Variants in DTNA observed in about 807,000 individuals in gnomAD.
DTNA encodes the protein dystrobrevin alpha.
Under a neutral mutation model 100.7 loss-of-function variants are expected in DTNA, and 43 were observed. That is an observed-to-expected ratio of 0.43 (90% CI 0.33 to 0.55). DTNA has a LOEUF of 0.55. Among genes scored for constraint, DTNA ranks in the 20% least tolerant of loss-of-function variants. The pLI, the probability that DTNA is intolerant of heterozygous loss-of-function variation, is 0.04. For missense variants in DTNA, 798 were observed against 953.9 expected, an observed-to-expected ratio of 0.84 and a Z score of 2.15; for synonymous variants, 349 against 347.9, an observed-to-expected ratio of 1.00 and a Z score of -0.04.
intron 1 of DTNA, among the ~76,000 whole-genome samples, chr18:34,527,433 G>C (rs571851890): frequency 2.7e-4 from 41 of 152,054 alleles, no homozygotes; most frequent in African/African-American, 9.6e-4. Context: ...TTTAATAGTA[G>C]ACATTCCAGA....
At chr18:34,503,439 C>T (rs1037129645) in intron 1 of DTNA, among the ~76,000 whole-genome samples, 2 of 151,736 alleles carry the variant, frequency 1.3e-5, no homozygotes, top group Non-Finnish European at 2.9e-5. Flanking sequence ...AGGTGCCCAC[C>T]ATCACACCTG....
chr18:34,696,945 A>G (rs541235745), intron 1 of DTNA, among the ~76,000 whole-genome samples: 53 of 152,260 alleles, frequency 3.5e-4, no homozygotes, highest in African/African-American at 1.3e-3. Flanking sequence ...ACATTTAGCA[A>G]TATCTGTAGG....
At chr18:34,499,568 C>T (rs9961221) in intron 1 of DTNA, among the ~76,000 whole-genome samples, 24,962 of 152,092 alleles carry the variant, frequency 0.16, 2,253 homozygotes, top group South Asian at 0.22. Context: ...AGTGGATGTG[C>T]CATTTTACAT....
chr18:34,558,239 T>A (rs1299067744), intron 1 of DTNA: 1 of 153,386 alleles, frequency 6.5e-6, no homozygotes, highest in Non-Finnish European at 1.4e-5. Flanking sequence ...ACGCACGGTG[T>A]GCGCACCCAC....
chr18:34,692,317 C>T (rs190817534), intron 1 of DTNA, among the ~76,000 whole-genome samples: 3 of 152,288 alleles, frequency 2.0e-5, no homozygotes, highest in Non-Finnish European at 2.9e-5. Flanking sequence ...CCAAAGCAGA[C>T]GTTCCATGAA....
intron 13 of DTNA, among the ~76,000 whole-genome samples, chr18:34,840,273 T>C (rs2096244067): frequency 6.6e-6 from 1 of 152,170 alleles, no homozygotes; most frequent in Admixed American, 6.6e-5. Context: ...TTAAATAGTA[T>C]CCACTTTTTC....
chr18:34,608,761 T>C (rs1465334754), intron 1 of DTNA, among the ~76,000 whole-genome samples: 1 of 152,236 alleles, frequency 6.6e-6, no homozygotes, highest in African/African-American at 2.4e-5. Flanking sequence ...TGCTGCCTTC[T>C]CACCTGCTGT....
chr18:34,551,012 A>G (rs1186824306), intron 1 of DTNA, among the ~76,000 whole-genome samples: 1 of 152,202 alleles, frequency 6.6e-6, no homozygotes, highest in East Asian at 1.9e-4. Flanking sequence ...ATTAACTCCA[A>G]TTTCTTTAAT....
At chr18:34,503,763 C>T (rs2040200327) in intron 1 of DTNA, among the ~76,000 whole-genome samples, 1 of 149,152 alleles carries the variant, frequency 6.7e-6, no homozygotes, top group African/African-American at 2.5e-5. Context: ...CTGTTATTTA[C>T]TTGAGCATTT....
At position 34,517,460 on chromosome 18, in the gene DTNA, C is replaced by CGTGTGTGTGTGTGTGTGTGTGTGTGT. The variant is rs1199695756; in HGVS notation, c.-2+23949_-2+23974dup. 3.4e-5 allele frequency among the ~76,000 whole-genome samples: 5 copies of CGTGTGTGTGTGTGTGTGTGTGTGTGT among 148,884 alleles called. No homozygotes were observed. The East Asian group carries it at 5.9e-4, about 18-fold the overall frequency. On this transcript the variant is annotated intron_variant, in intron 1 of 19. Coordinates refer to the DTNA transcript ENST00000283365. ...TCAGATTTAATAAGTTTTATATACA[C>CGTGTGTGTGTGTGTGTGTGTGTGTGT]GTGTGTGTGTGTGTGTGTGTGTGTG...
At chr18:34,740,323 T>G (rs921570493) in intron 1 of DTNA, among the ~76,000 whole-genome samples, 27 of 152,260 alleles carry the variant, frequency 1.8e-4, no homozygotes, top group African/African-American at 6.3e-4. Context: ...GGAAATGGCT[T>G]GAGTACCCCC....
At chr18:34,730,748 A>T (rs565049403) in intron 1 of DTNA, among the ~76,000 whole-genome samples, 54 of 152,180 alleles carry the variant, frequency 3.5e-4, no homozygotes, top group African/African-American at 1.3e-3. Context: ...TATTCCTCTC[A>T]CCCTAATATC....
intron 10 of DTNA, chr18:34,829,041 C>T (rs1336575347): frequency 1.2e-6 from 2 of 1,614,126 alleles, no homozygotes; most frequent in Non-Finnish European, 8.5e-7. Flanking sequence ...ATCATTTCAG[C>T]TCGGACGGTG....
At chr18:34,730,338 G>A (rs1030736480) in intron 1 of DTNA, among the ~76,000 whole-genome samples, 1 of 152,246 alleles carries the variant, frequency 6.6e-6, no homozygotes, top group Non-Finnish European at 1.5e-5. Flanking sequence ...ATGAGGTAAT[G>A]TATGCAAAAG....
rs115704509 is a variant in DTNA at position 34,856,064 on chromosome 18, A to G, written c.1533-2221A>G. 5.9e-3 allele frequency among the ~76,000 whole-genome samples: 896 copies of G among 152,284 alleles called. 7 individuals are homozygous for G. The highest frequency in any genetic ancestry group is 0.019 in the African/African-American group (794 of 41,550). On this transcript the variant is annotated intron_variant, in intron 15 of 22. Coordinates refer to ENST00000444659, the MANE Select transcript of DTNA (RefSeq NM_001386795.1). ...TGGATGTTTTTGGATCGCACTCTCT[A>G]AATGCATGTCTTTAAGGACTAGAGA...
intron 1 of DTNA, among the ~76,000 whole-genome samples, chr18:34,644,776 A>C (rs1457179386): frequency 6.6e-6 from 1 of 152,128 alleles, no homozygotes; most frequent in Non-Finnish European, 1.5e-5. Context: ...AGCGTTTCCT[A>C]GTATTGCTGC....
intron 1 of DTNA, among the ~76,000 whole-genome samples, chr18:34,666,474 T>C (rs891975748): frequency 2.6e-5 from 4 of 152,016 alleles, no homozygotes; most frequent in African/African-American, 9.7e-5. Flanking sequence ...GCTTTTGGTG[T>C]TTTAGACATG....
intron 5 of DTNA, among the ~76,000 whole-genome samples, chr18:34,810,183 C>A (rs1423960000): frequency 6.6e-6 from 1 of 152,130 alleles, no homozygotes; most frequent in East Asian, 1.9e-4. Context: ...TTTTAAAAGA[C>A]TAGTATTATG....
intron 20 of DTNA, 129 bp downstream of exon 20, chr18:34,879,848 G>A (rs763214057): frequency 2.8e-4 from 331 of 1,189,072 alleles, no homozygotes; most frequent in Non-Finnish European, 3.7e-4. Context: ...TTTCTGTTCT[G>A]CCAGAGATAT....
Sources: gnomAD v4.1 joint callset for allele counts (sites outside exome capture counted in the v4.1 genomes callset) on GRCh38, gnomAD v4.1.1 for gene constraint, MANE v1.5 for transcripts, NCBI Gene and HGNC (gene_info 2026-07-23, HGNC 2026-07-21) for gene names.